The following AMD1 variants were observed in gnomAD, a reference collection of about 807,000 sequenced individuals.
AMD1 encodes adenosylmethionine decarboxylase 1, also known as S-adenosylmethionine decarboxylase proenzyme.
In AMD1, 11 loss-of-function variants were observed where a neutral mutation model predicts 40.2. That is an observed-to-expected ratio of 0.27 (90% CI 0.17 to 0.45). AMD1 has a LOEUF of 0.45. Among genes scored for constraint, AMD1 ranks in the 20% least tolerant of loss-of-function variants. AMD1 has a pLI of 1.00. For missense variants in AMD1, 257 were observed against 410.2 expected, an observed-to-expected ratio of 0.63 and a Z score of 3.23; for synonymous variants, 121 against 130.8, an observed-to-expected ratio of 0.93 and a Z score of 0.51.
intron 1 of AMD1, among the ~76,000 whole-genome samples, chr6:110,886,686 T>G (rs1015593444): frequency 6.6e-6 from 1 of 152,180 alleles, no homozygotes; most frequent in African/African-American, 2.4e-5. Flanking sequence ...GGCAAGAGAA[T>G]TGCTTGAGCC....
chr6:110,817,602 C>T, the AMD1 span, among the ~76,000 whole-genome samples: 4,282 of 151,940 alleles, frequency 0.028, 85 homozygotes, highest in South Asian at 0.084. Context: ...GAGCAAGACC[C>T]CGACTCAAAA....
chr6:110,892,732 C>CA lies in AMD1; in HGVS notation c.616-2dup, dbSNP rs1786100694. 9 of 1,611,936 alleles carry CA rather than the reference C, an allele frequency of 5.6e-6. No individual in the cohort carries two copies. Among genetic ancestry groups the CA allele is most frequent in the South Asian group, 2.2e-5 (2 of 91,024 alleles). On this transcript the variant is annotated splice_region_variant and splice_polypyrimidine_tract_variant and intron_variant, in intron 6 of 8. Transcript: ENST00000368885. Reference sequence around the variant, plus strand: ...GTTAAACTCGGTCTTTTTCCCCCCCCAGGAGAGTGGAATTCGTGACCTGAT... The same window carrying CA: ...GTTAAACTCGGTCTTTTTCCCCCCCCAAGGAGAGTGGAATTCGTGACCTGAT...
At chr6:110,868,375 T>G in the AMD1 span, among the ~76,000 whole-genome samples, 4 of 151,976 alleles carry the variant, frequency 2.6e-5, no homozygotes, top group Non-Finnish European at 5.9e-5. Context: ...GGTCTTGATC[T>G]CCTGACCTCA....
At chr6:110,892,520 T>C in intron 6 of AMD1, 77 bp downstream of exon 6, 4 of 1,585,904 alleles carry the variant, frequency 2.5e-6, no homozygotes, top group Non-Finnish European at 2.6e-6. Context: ...CTGTAACTTT[T>C]AAGTTCAGGG....
chr6:110,846,549 C>T, the AMD1 span, among the ~76,000 whole-genome samples: 1 of 152,074 alleles, frequency 6.6e-6, no homozygotes, highest in Admixed American at 6.6e-5. Flanking sequence ...TGTAAATGTA[C>T]AGTTAAATCT....
rs925985311 is a variant in AMD1, at chr6:110,875,672, G to A, written c.110+457G>A. 3.9e-5 allele frequency: 6 copies of A among 153,738 alleles called. No individual in the cohort carries two copies. In the East Asian group the frequency reaches 5.7e-4, roughly 15 times the overall value. The allele number at this position is 153,738 out of a possible 1,614,324, so 9.5% of individuals were successfully genotyped here. A position where few individuals can be genotyped will look rare whatever the true frequency, so the allele number is the denominator to read the frequency against. ...GCGCTAATTCGGGCGTGCCGGCTTC[G>A]GGGAATGGAGGGCGGGAGCGGCGCT... On this transcript the variant is annotated intron_variant, in intron 1 of 8. Transcript: ENST00000368885.
chr6:110,864,776 T>C, the AMD1 span, among the ~76,000 whole-genome samples: 1 of 152,246 alleles, frequency 6.6e-6, no homozygotes, highest in Non-Finnish European at 1.5e-5. Flanking sequence ...GCATCACCCC[T>C]AGACACAGCA....
chr6:110,817,608 CA>C, the AMD1 span, among the ~76,000 whole-genome samples: 16 of 149,234 alleles, frequency 1.1e-4, no homozygotes, highest in African/African-American at 3.4e-4. Flanking sequence ...GACCCCGACT[CA>C]AAAAAAAATG....
At chr6:110,821,619 G>T in the AMD1 span, among the ~76,000 whole-genome samples, 4 of 151,798 alleles carry the variant, frequency 2.6e-5, no homozygotes, top group Non-Finnish European at 5.9e-5. Context: ...TCTAAAAAAA[G>T]AAGAAGAAGA....
At chr6:110,880,647 T>TG (rs143122740) in intron 1 of AMD1, among the ~76,000 whole-genome samples, 25,656 of 152,224 alleles carry the variant, frequency 0.17, 2,907 homozygotes, top group Middle Eastern at 0.29. Context: ...TTGGGACTCT[T>TG]GTTCAAGATA....
At chr6:110,819,724 G>A in the AMD1 span, among the ~76,000 whole-genome samples, 1 of 152,180 alleles carries the variant, frequency 6.6e-6, no homozygotes, top group African/African-American at 2.4e-5. Context: ...GACCTGCTGT[G>A]CTGCATTCCC....
chr6:110,825,664 C>G, the AMD1 span, among the ~76,000 whole-genome samples: 2 of 152,172 alleles, frequency 1.3e-5, no homozygotes, highest in Non-Finnish European at 2.9e-5. Flanking sequence ...AATCAGATTT[C>G]AGAGCATTTG....
the AMD1 span, among the ~76,000 whole-genome samples, chr6:110,843,090 G>T: frequency 6.6e-6 from 1 of 151,374 alleles, no homozygotes. Flanking sequence ...CCGAGATCGG[G>T]CCACTGCACT....
chr6:110,826,808 C>T, the AMD1 span, among the ~76,000 whole-genome samples: 3 of 151,712 alleles, frequency 2.0e-5, no homozygotes, highest in African/African-American at 7.3e-5. Flanking sequence ...TCTCCTGCCT[C>T]AGCCTCCTGT....
chr6:110,867,171 ACTCT>A, the AMD1 span, among the ~76,000 whole-genome samples: 133 of 145,908 alleles, frequency 9.1e-4, no homozygotes, highest in Non-Finnish European at 1.0e-3. Context: ...TTTTTTAGAG[ACTCT>A]CTCGCTCTCT....
chr6:110,821,759 G>A, the AMD1 span, among the ~76,000 whole-genome samples: 2 of 152,212 alleles, frequency 1.3e-5, no homozygotes, highest in Non-Finnish European at 2.9e-5. Context: ...AAAATTATTT[G>A]AAATGAATAA....
chr6:110,854,939 G>C, the AMD1 span, among the ~76,000 whole-genome samples: 3 of 152,060 alleles, frequency 2.0e-5, no homozygotes, highest in Non-Finnish European at 4.4e-5. Flanking sequence ...TACAATTGTG[G>C]ATTTCAAATA....
Position 110,886,100 on chromosome 6 carries a change from C to T in AMD1, c.111-1405C>T, listed in dbSNP as rs201932544. Reference sequence around the variant, plus strand: ...TGAAACCCTGTCGCCACTAAAAATACAAAAATTAGCCAGGTGTGGTGGCAC... The same window carrying T: ...TGAAACCCTGTCGCCACTAAAAATATAAAAATTAGCCAGGTGTGGTGGCAC... On this transcript the variant is annotated intron_variant, in intron 1 of 8. Transcript: ENST00000368885. Among the ~76,000 whole-genome samples, 13 of 151,480 alleles carry T rather than the reference C, an allele frequency of 8.6e-5. No homozygotes were observed. In the East Asian group the frequency reaches 2.5e-3, roughly 30 times the overall value.
the AMD1 span, among the ~76,000 whole-genome samples, chr6:110,826,081 C>T: frequency 6.6e-6 from 1 of 150,732 alleles, no homozygotes; most frequent in African/African-American, 2.4e-5. Context: ...GTAGGAGGAT[C>T]ACTTTAGCCT....
Sources: allele counts gnomAD v4.1 joint callset (sites outside exome capture counted in the v4.1 genomes callset), GRCh38; gene constraint gnomAD v4.1.1; transcripts MANE v1.5; gene names NCBI Gene and HGNC (gene_info 2026-07-23, HGNC 2026-07-21).